PRKDC: variants seen among roughly 807,000 people sequenced by gnomAD.
PRKDC encodes the protein protein kinase, DNA-activated, catalytic subunit.
In PRKDC, 82 loss-of-function variants were observed where a neutral mutation model predicts 486.9. The ratio of observed to expected loss-of-function variants is 0.17; its 90% CI spans 0.14 to 0.20. The LOEUF (loss-of-function observed/expected upper bound fraction) is 0.20. Ranked by LOEUF, PRKDC falls within the 10% of genes least tolerant of loss-of-function variation. The pLI is 1.00. For synonymous variants in PRKDC, 1,895 were observed against 1,837.0 expected, an observed-to-expected ratio of 1.03 and a Z score of -0.81; for missense variants, 4,504 against 5,038.2, an observed-to-expected ratio of 0.89 and a Z score of 3.21.
chr8:47,840,985 T>C lies in PRKDC; in HGVS notation c.7281-796A>G, dbSNP rs368401863. On this transcript the variant is annotated intron_variant, in intron 54 of 85. Coordinates refer to ENST00000314191, the MANE Select transcript of PRKDC (RefSeq NM_006904.7). ...TTGGAAAGAAAGCACTGAGCATCAA[T>C]AGAGAGGCAACACAGACACTGAGGC... Among the ~76,000 whole-genome samples the C allele has an allele frequency of 1.6e-4, 24 of 152,172 alleles. 1 individual carries two copies. Among genetic ancestry groups the C allele is most frequent in the East Asian group, 1.2e-3 (6 of 5,164 alleles).
In PRKDC at chr8:47,826,736, C is replaced by T; in HGVS notation, c.8703G>A (p.Leu2901=). The change falls in exon 63 of 86, where the codon CTG becomes CTA. Residue 2901 remains leucine (L), a synonymous_variant. Coordinates refer to ENST00000314191, the MANE Select transcript of PRKDC (RefSeq NM_006904.7). ...CTCGCTTGGCAGGCAGCTCAGCAGG[C>T]AGCAGGCGGAGCAGAGCCTCCTCTA... The part of the protein sequence containing the change: ...RLLEEALLRL[L]PAELPAKRVR... 6.2e-7 allele frequency: 1 copy of T among 1,613,260 alleles called. No individual in the cohort carries two copies. The highest frequency in any genetic ancestry group is 1.1e-5 in the South Asian group (1 of 90,970).
intron 68 of PRKDC, among the ~76,000 whole-genome samples, chr8:47,811,935 C>T (rs1334301356): frequency 6.6e-6 from 1 of 152,164 alleles, no homozygotes; most frequent in Non-Finnish European, 1.5e-5. Flanking sequence ...CAAGATCATG[C>T]CACTGCACTC....
chr8:47,779,298 C>T, intron 80 of PRKDC: 1 of 456,254 alleles, frequency 2.2e-6, no homozygotes, highest in South Asian at 4.1e-5. Flanking sequence ...CTTAATTACT[C>T]CTAAAGAAAT....
chr8:47,846,427 A>G (rs960796320), intron 54 of PRKDC, among the ~76,000 whole-genome samples: 16 of 151,760 alleles, frequency 1.1e-4, no homozygotes, highest in South Asian at 4.1e-4. Flanking sequence ...AAAAAAAAAA[A>G]AAAAGAAAAA....
chr8:47,931,103 A>C (rs936184653), intron 16 of PRKDC, among the ~76,000 whole-genome samples: 1 of 152,382 alleles, frequency 6.6e-6, no homozygotes, highest in African/African-American at 2.4e-5. Context: ...GGTGACCTAG[A>C]GATTTCAAGT....
chr8:47,777,763 G>A lies in PRKDC; in HGVS notation c.11965C>T (p.Arg3989Trp). The stretch of plus-strand genomic sequence containing the variant: ...AGGCCAGGGTCTGAGCGGAAGGCCC[G>A]GAGTGCGTGTACCATGATGCTGTAC... Reference protein sequence around the residue: ...LMYSIMVHALRAFRSDPGLLT... With the variant: ...LMYSIMVHALWAFRSDPGLLT... The change falls in exon 84 of 86, where the codon CGG (arginine) becomes TGG (tryptophan). Residue 3989 changes from arginine (R) to tryptophan (W), a missense_variant. Around this residue, in one of 6 missense-constraint regions of PRKDC, gnomAD observed 706 missense variants for 945.0 expected, o/e 0.75. Coordinates refer to ENST00000314191, the MANE Select transcript of PRKDC (RefSeq NM_006904.7). 4.3e-6 allele frequency: 7 copies of A among 1,613,950 alleles called. No homozygotes were observed. The highest frequency in any genetic ancestry group is 5.9e-6 in the Non-Finnish European group (7 of 1,179,866).
Position 47,902,659 on chromosome 8 carries a change from A to G in PRKDC, c.3179T>C (p.Phe1060Ser). ...AAGCGCAAGGCTATAAAGTCGCTTG[A>G]AAAGCGATTTGGTGTTTACTGGACT... ...EKSPVNTKSL[F>S]KRLYSLALHP... Residue 1060 changes from phenylalanine to serine, a missense_variant, in exon 27 of 86, where the codon TTC (phenylalanine) becomes TCC (serine). This residue lies in a region of PRKDC where 1,969 missense variants were observed against 2,068.9 expected (regional missense o/e 0.95). Coordinates refer to ENST00000314191, the MANE Select transcript of PRKDC (RefSeq NM_006904.7). 6.2e-7 allele frequency: 1 copy of G among 1,613,748 alleles called. No individual in the cohort carries two copies. Among genetic ancestry groups the G allele is most frequent in the Non-Finnish European group, 8.5e-7 (1 of 1,179,740 alleles).
intron 19 of PRKDC, among the ~76,000 whole-genome samples, chr8:47,928,182 G>A (rs1449444854): frequency 7.2e-6 from 1 of 139,002 alleles, no homozygotes; most frequent in East Asian, 2.1e-4. Context: ...TTGTAAGATA[G>A]AGTCGTGCTG....
rs971714691 is a variant in PRKDC at position 47,823,363 on chromosome 8, T to A, written c.8922+495A>T. 2.0e-5 allele frequency among the ~76,000 whole-genome samples: 3 copies of A among 151,912 alleles called. No individual in the cohort carries two copies. In the South Asian group the frequency reaches 6.2e-4, roughly 32 times the overall value. ...GGCACCCCCTCCCCAACTGTCTCTC[T>A]TTTGCTACTGCCTTTCACCATGTGA... On this transcript the variant is annotated intron_variant, in intron 64 of 85. Transcript: ENST00000314191.
intron 40 of PRKDC, among the ~76,000 whole-genome samples, chr8:47,872,129 A>G (rs2088966957): frequency 6.6e-6 from 1 of 152,228 alleles, no homozygotes; most frequent in African/African-American, 2.4e-5. Flanking sequence ...ACGTTTAAAA[A>G]GCGGAAGATG....
At chr8:47,825,158 C>A (rs2087705954) in intron 63 of PRKDC, among the ~76,000 whole-genome samples, 2 of 152,218 alleles carry the variant, frequency 1.3e-5, no homozygotes, top group South Asian at 4.1e-4. Flanking sequence ...GGAAAGAGAT[C>A]ACCTACATAC....
intron 35 of PRKDC, 65 bp from the exon 36 acceptor site, chr8:47,886,212 T>C: frequency 7.6e-7 from 1 of 1,318,918 alleles, no homozygotes; most frequent in Non-Finnish European, 1.0e-6. Flanking sequence ...GAAAGACCCT[T>C]GGGCAACTGA....
chr8:47,929,012 A>G (rs2090204477), intron 19 of PRKDC, 80 bp downstream of exon 19: 1 of 1,123,018 alleles, frequency 8.9e-7, no homozygotes, highest in Non-Finnish European at 1.3e-6. Flanking sequence ...ATAATTATTT[A>G]TGATCACTAG....
rs1231050478 is a variant in PRKDC, at chr8:47,776,866, C to T, written c.12160G>A (p.Ala4054Thr). ...TACCAAGTAATGACTGCTGGATTGGCACCTGCTAACTTTCTCTTAGCGTAA... is the reference window on the plus strand; with the variant it reads ...TACCAAGTAATGACTGCTGGATTGGTACCTGCTAACTTTCTCTTAGCGTAA... ...ICYAKRKLAGANPAVITCDEL... is the reference protein window; with the variant it reads ...ICYAKRKLAGTNPAVITCDEL... The change falls in exon 85 of 86, where the codon GCC (alanine) becomes ACC (threonine). Residue 4054 changes from alanine to threonine, a missense_variant. Around this residue, in one of 6 missense-constraint regions of PRKDC, gnomAD observed 706 missense variants for 945.0 expected, o/e 0.75. Transcript: ENST00000314191. 6.2e-7 allele frequency: 1 copy of T among 1,613,722 alleles called. No individual in the cohort carries two copies. Among genetic ancestry groups the T allele is most frequent in the Non-Finnish European group, 8.5e-7 (1 of 1,179,872 alleles).
rs189899645 is a variant in PRKDC, at chr8:47,891,516, C to T, written c.3848-1036G>A. 1.4e-4 allele frequency among the ~76,000 whole-genome samples: 21 copies of T among 151,918 alleles called. No homozygotes were observed. In the East Asian group the frequency reaches 1.6e-3, roughly 11 times the overall value. On this transcript the variant is annotated intron_variant, in intron 31 of 85. Transcript: ENST00000314191. ...CAGGCGGATCACGAGGTCAGGAGAT[C>T]GAGACCATCCTGGCTAACACAGTGA...
chr8:47,845,232 AAAAC>A (rs2088239674), intron 54 of PRKDC, among the ~76,000 whole-genome samples: 1 of 152,188 alleles, frequency 6.6e-6, no homozygotes, highest in Admixed American at 6.5e-5. Context: ...AAAACCAACC[AAAAC>A]AAAACAAACC....
intron 58 of PRKDC, 73 bp downstream of exon 58, chr8:47,836,265 C>T: frequency 1.5e-6 from 2 of 1,344,498 alleles, no homozygotes; most frequent in Non-Finnish European, 1.9e-6. Context: ...AAAAGCCCAA[C>T]ACTGTTGTGA....
Position 47,834,368 on chromosome 8 carries a change from G to A in PRKDC, c.7980C>T (p.Thr2660=), listed in dbSNP as rs759444124. ...CGACCAGCGGGTCAGTGCTGCTCCC[G>A]GTCAGCCAATCAAATGAGCTTCTTC... is the stretch of plus-strand genomic sequence containing the variant. ...ADGRSSFDWL[T]GSSTDPLVDH... is the part of the protein sequence containing the mutation. Residue 2660 remains threonine, a synonymous_variant, in exon 59 of 86, where the codon ACC becomes ACT. Transcript: ENST00000314191. The A allele has an allele frequency of 1.3e-5, 21 of 1,613,718 alleles. No homozygotes were observed. Among genetic ancestry groups the A allele is most frequent in the East Asian group, 2.2e-5 (1 of 44,884 alleles).
At chr8:47,858,304 G>T (rs1248687998) in intron 48 of PRKDC, among the ~76,000 whole-genome samples, 3 of 151,426 alleles carry the variant, frequency 2.0e-5, no homozygotes, top group African/African-American at 4.9e-5. Context: ...ATTTACATAT[G>T]TTAAAAACGA....
Sources: gnomAD v4.1 joint callset for allele counts (sites outside exome capture counted in the v4.1 genomes callset) on GRCh38, gnomAD v4.1.1 for gene constraint, gnomAD v4.1.1 regional missense constraint, MANE v1.5 for transcripts, NCBI Gene and HGNC (gene_info 2026-07-23, HGNC 2026-07-21) for gene names.